The following CDCA7L variants were observed in gnomAD, a reference collection of about 807,000 sequenced individuals.
The protein encoded by CDCA7L is cell division cycle-associated 7-like protein.
Under a neutral mutation model 57.4 loss-of-function variants are expected in CDCA7L, and 44 were observed. The observed-to-expected ratio is 0.77, with a 90% CI of 0.60 to 0.98. The LOEUF is 0.98. CDCA7L is among the 50% of genes least tolerant of loss of function. CDCA7L has a pLI of 0.00. For synonymous variants in CDCA7L, 236 were observed against 202.8 expected, an observed-to-expected ratio of 1.16 and a Z score of -1.39; for missense variants, 644 against 580.6, an observed-to-expected ratio of 1.11 and a Z score of -1.12.
At chr7:21,915,708 T>C (rs1785463928) in intron 2 of CDCA7L, among the ~76,000 whole-genome samples, 1 of 144,268 alleles carries the variant, frequency 6.9e-6, no homozygotes, top group Non-Finnish European at 1.5e-5. Context: ...GAGCCTGTAA[T>C]CCCAGCTACT....
intron 1 of CDCA7L, among the ~76,000 whole-genome samples, chr7:21,924,008 T>C (rs919857398): frequency 2.6e-5 from 4 of 152,366 alleles, no homozygotes; most frequent in African/African-American, 7.2e-5. Context: ...AAACTGTCAG[T>C]TGGTATTCAA....
intron 1 of CDCA7L, among the ~76,000 whole-genome samples, chr7:21,944,314 G>A (rs1427910961): frequency 2.0e-5 from 3 of 151,080 alleles, no homozygotes; most frequent in Non-Finnish European, 4.4e-5. Context: ...AGACAGGCGT[G>A]GTGGCGGGCG....
chr7:21,907,921 A>G (rs1240222206), intron 4 of CDCA7L, among the ~76,000 whole-genome samples: 1 of 152,216 alleles, frequency 6.6e-6, no homozygotes, highest in African/African-American at 2.4e-5. Flanking sequence ...GGTGCTGGGG[A>G]ATCTCTTTCT....
intron 1 of CDCA7L, chr7:21,944,827 G>A (rs1786465517): frequency 1.3e-5 from 2 of 150,982 alleles, no homozygotes. Flanking sequence ...ACACCAGTCG[G>A]AAGCAAGGTG....
At chr7:21,902,931 G>A (rs1784980815) in intron 9 of CDCA7L, 47 bp downstream of exon 9, 4 of 1,591,236 alleles carry the variant, frequency 2.5e-6, no homozygotes, top group African/African-American at 2.7e-5. Context: ...CCTGTGCTCA[G>A]CCTCAAGATT....
chr7:21,942,071 C>T (rs1166438691), intron 1 of CDCA7L, among the ~76,000 whole-genome samples: 1 of 152,140 alleles, frequency 6.6e-6, no homozygotes, highest in East Asian at 1.9e-4. Flanking sequence ...TGTTCTTCCA[C>T]CCTACCAATG....
At chr7:21,908,096 GCC>G in intron 4 of CDCA7L, 32 bp downstream of exon 4, 1 of 1,491,760 alleles carries the variant, frequency 6.7e-7, no homozygotes, top group Non-Finnish European at 8.8e-7. Context: ...AGAGCCTGGT[GCC>G]AACTCCCAGG....
chr7:21,943,253 C>G (rs1286283468), intron 1 of CDCA7L, among the ~76,000 whole-genome samples: 2 of 152,218 alleles, frequency 1.3e-5, no homozygotes, highest in Non-Finnish European at 2.9e-5. Flanking sequence ...ACATCAAATC[C>G]AACACACTGG....
chr7:21,919,760 C>A (rs62445924), intron 1 of CDCA7L, among the ~76,000 whole-genome samples: 28,214 of 151,984 alleles, frequency 0.19, 3,494 homozygotes, highest in East Asian at 0.5. Flanking sequence ...GCTCTATCTA[C>A]AATAAACACA....
intron 4 of CDCA7L, among the ~76,000 whole-genome samples, 163 bp from the exon 5 acceptor site, chr7:21,906,802 G>T (rs1041821415): frequency 2.0e-5 from 3 of 152,098 alleles, no homozygotes; most frequent in Non-Finnish European, 4.4e-5. Flanking sequence ...TGTAAAGATT[G>T]TACCTCCAGA....
intron 1 of CDCA7L, among the ~76,000 whole-genome samples, chr7:21,925,428 T>C (rs1417470170): frequency 1.3e-5 from 2 of 152,230 alleles, no homozygotes; most frequent in South Asian, 4.1e-4. Context: ...ATGAGGACAC[T>C]GAACCCAAGG....
Position 21,904,090 on chromosome 7 carries a change from A to C in CDCA7L, c.1197+20T>G. 6.4e-7 allele frequency: 1 copy of C among 1,554,858 alleles called. No homozygotes were observed. Among genetic ancestry groups the C allele is most frequent in the Non-Finnish European group, 8.7e-7 (1 of 1,150,610 alleles). On this transcript the variant is annotated intron_variant, in intron 8 of 9. Transcript: ENST00000406877. ...TCCTTCACCAATACAATTTACAACA[A>C]ATGCAAACACTGTTCCTACCGGGTC... is the stretch of plus-strand genomic sequence containing the variant.
At position 21,901,053 on chromosome 7, in the gene CDCA7L, C is replaced by T. The variant is rs267601457; in HGVS notation, c.*1269G>A. ...CAGGAACCATTGTTGAAGCCCGTCT[C>T]AAGGAGCTGGCATGCCCTATGCCGG... On this transcript the variant is annotated 3_prime_UTR_variant, in exon 10 of 10. Coordinates refer to ENST00000406877, the MANE Select transcript of CDCA7L (RefSeq NM_018719.5). The T allele has an allele frequency of 1.2e-6, 2 of 1,613,394 alleles. No homozygotes were observed. Among genetic ancestry groups the T allele is most frequent in the Admixed American group, 1.7e-5 (1 of 59,928 alleles).
chr7:21,902,454 CCCAGATCTCCTGACA>C (rs1196141514), intron 9 of CDCA7L, 102 bp from the exon 10 acceptor site: 15 of 1,115,284 alleles, frequency 1.3e-5, no homozygotes, highest in Non-Finnish European at 1.9e-5. Flanking sequence ...AAAGCCAGAA[CCCAGATCTCCTGACA>C]CTCGAAATCC....
intron 2 of CDCA7L, among the ~76,000 whole-genome samples, chr7:21,916,309 G>C (rs1785478727): frequency 6.6e-6 from 1 of 152,072 alleles, no homozygotes; most frequent in East Asian, 1.9e-4. Context: ...CAAGAATAAG[G>C]CTCTCCCCAG....
rs762583196 is a variant in CDCA7L at position 21,945,809 on chromosome 7, C to T, written c.-5G>A. ...GTAGCGAGTCGCCAACTCCATTCTT[C>T]CTAACCGGGCTCCAGTCTCCTCCCA... On this transcript the variant is annotated 5_prime_UTR_variant, in exon 1 of 10. Transcript: ENST00000406877. 10 of 1,598,862 alleles carry T rather than the reference C, an allele frequency of 6.3e-6. No individual in the cohort carries two copies. The Admixed American group carries it at 1.2e-4, about 19-fold the overall frequency.
chr7:21,934,309 G>T (rs1317121950), intron 1 of CDCA7L, among the ~76,000 whole-genome samples: 1 of 152,148 alleles, frequency 6.6e-6, no homozygotes, highest in East Asian at 1.9e-4. Flanking sequence ...TATAGGAGTA[G>T]AATTTTTGTA....
At chr7:21,902,439 A>G (rs1784944213) in intron 9 of CDCA7L, 87 bp from the exon 10 acceptor site, 7 of 1,314,504 alleles carry the variant, frequency 5.3e-6, no homozygotes, top group Admixed American at 5.1e-5. Context: ...ATCATCTAAG[A>G]GTACAAAGCC....
rs1291340195 is a variant in CDCA7L at position 21,908,350 on chromosome 7, G to A, written c.461C>T (p.Ala154Val). The A allele has an allele frequency of 3.1e-6, 5 of 1,609,486 alleles. No individual in the cohort carries two copies. Among genetic ancestry groups the A allele is most frequent in the Non-Finnish European group, 4.2e-6 (5 of 1,178,842 alleles). ...AGAACTGTTTTTATCTGGTTTGTTG[G>A]CCAGCTTCTTGGTGGGGAACTGAAA... ...VAFQFPTKKLANKPDKNSSSE... is the reference protein window; with the variant it reads ...VAFQFPTKKLVNKPDKNSSSE... The change falls in exon 4 of 10, where the codon GCC becomes GTC. Residue 154 changes from alanine (A) to valine (V), a missense_variant. By Grantham distance (64) the Ala-to-Val change is moderately conservative. Coordinates refer to ENST00000406877, the MANE Select transcript of CDCA7L (RefSeq NM_018719.5).
Sources: allele counts gnomAD v4.1 joint callset (sites outside exome capture counted in the v4.1 genomes callset), GRCh38; gene constraint gnomAD v4.1.1; transcripts MANE v1.5; gene names NCBI Gene and HGNC (gene_info 2026-07-23, HGNC 2026-07-21).